The following BASP1 variants were observed in gnomAD, a reference collection of about 807,000 sequenced individuals.
BASP1 encodes the protein brain abundant membrane attached signal protein 1.
In BASP1, 1 loss-of-function variant was observed where a neutral mutation model predicts 2.2. The ratio of observed to expected loss-of-function variants is 0.46; its 90% CI spans 0.16 to 2.17. The LOEUF is 2.17. Ranked by LOEUF, BASP1 falls within the 30% of genes most tolerant of loss-of-function variation. BASP1 has a pLI of 0.27. For synonymous variants in BASP1, 187 were observed against 154.2 expected (o/e 1.21, Z -1.58); for missense variants, 352 against 327.2 (o/e 1.08, Z -0.58).
At chr5:17,274,499 A>C (rs1740587546) in intron 1 of BASP1, among the ~76,000 whole-genome samples, 1 of 152,242 alleles carries the variant, frequency 6.6e-6, no homozygotes, top group Non-Finnish European at 1.5e-5. Context: ...AAAGCATTTT[A>C]AAATTGCAAC....
intron 1 of BASP1, among the ~76,000 whole-genome samples, chr5:17,256,171 G>A (rs986904492): frequency 1.3e-5 from 2 of 152,200 alleles, no homozygotes; most frequent in African/African-American, 4.8e-5. Context: ...ACATTCCAAG[G>A]TGAATCCAGA....
intron 1 of BASP1, among the ~76,000 whole-genome samples, chr5:17,237,424 C>T (rs949853096): frequency 6.6e-6 from 1 of 152,128 alleles, no homozygotes; most frequent in Admixed American, 6.5e-5. Flanking sequence ...ACTGAGCTCA[C>T]CCAGAATGCT....
intron 1 of BASP1, among the ~76,000 whole-genome samples, chr5:17,240,133 GATAAATAAATAA>G (rs55977756): frequency 1.8e-4 from 27 of 146,070 alleles, no homozygotes; most frequent in African/African-American, 3.0e-4. Context: ...TAAAAATAAA[GATAAATAAATAA>G]ATAAATAAAT....
chr5:17,230,228 TAGAC>T (rs1739604533), intron 1 of BASP1, among the ~76,000 whole-genome samples: 1 of 152,172 alleles, frequency 6.6e-6, no homozygotes, highest in South Asian at 2.1e-4. Flanking sequence ...AGGGATTCAT[TAGAC>T]AGACTCTTAA....
At position 17,268,210 on chromosome 5, in the gene BASP1, C is replaced by T. The variant is rs528792907; in HGVS notation, c.-9-6998C>T. ...GGAGACCAACCCCTAGCACACCTAT[C>T]GTTTTTAGCAAACTTCATACTGAGT... is the stretch of plus-strand genomic sequence containing the variant. On this transcript the variant is annotated intron_variant, in intron 1 of 1. Transcript: ENST00000322611. 2.0e-5 allele frequency among the ~76,000 whole-genome samples: 3 copies of T among 152,266 alleles called. No homozygotes were observed. The South Asian group carries it at 6.2e-4, about 32-fold the overall frequency.
chr5:17,227,236 T>C (rs1739528659), intron 1 of BASP1, among the ~76,000 whole-genome samples: 1 of 147,544 alleles, frequency 6.8e-6, no homozygotes, highest in Non-Finnish European at 1.5e-5. Context: ...TCCTTTTTTC[T>C]TTTTAGACAG....
intron 1 of BASP1, among the ~76,000 whole-genome samples, chr5:17,259,985 A>G (rs1209669628): frequency 2.0e-5 from 3 of 152,234 alleles, no homozygotes; most frequent in Non-Finnish European, 4.4e-5. Flanking sequence ...TGGTACAGAA[A>G]TGATCTCTGC....
chr5:17,250,898 C>T (rs553761905), intron 1 of BASP1, among the ~76,000 whole-genome samples: 14 of 152,298 alleles, frequency 9.2e-5, no homozygotes, highest in Admixed American at 2.0e-4. Context: ...GCCACAGCGC[C>T]CGGCCAAAAT....
intron 1 of BASP1, among the ~76,000 whole-genome samples, chr5:17,274,247 T>C (rs1740583130): frequency 6.6e-6 from 1 of 152,190 alleles, no homozygotes; most frequent in Non-Finnish European, 1.5e-5. Context: ...AGAACTACTT[T>C]TTTTAAGCTG....
intron 1 of BASP1, among the ~76,000 whole-genome samples, chr5:17,266,840 T>A (rs866646176): frequency 2.8e-3 from 303 of 109,366 alleles, no homozygotes; most frequent in African/African-American, 9.3e-3. Context: ...AAAAAAAAAA[T>A]CTGACCTGGA....
chr5:17,247,038 A>C (rs1156667850), intron 1 of BASP1, among the ~76,000 whole-genome samples: 6 of 152,098 alleles, frequency 3.9e-5, no homozygotes, highest in Admixed American at 2.6e-4. Context: ...AATACAAAAA[A>C]TAGCTGGGCA....
At chr5:17,222,922 A>G (rs1410635470) in intron 1 of BASP1, among the ~76,000 whole-genome samples, 1 of 152,214 alleles carries the variant, frequency 6.6e-6, no homozygotes, top group Non-Finnish European at 1.5e-5. Context: ...GGCCCAGGGC[A>G]TAAGGAAACA....
chr5:17,266,083 T>TA (rs1405704273), intron 1 of BASP1, among the ~76,000 whole-genome samples: 1 of 152,208 alleles, frequency 6.6e-6, no homozygotes, highest in Non-Finnish European at 1.5e-5. Context: ...CAAGGGACAC[T>TA]AACCCGTTGG....
chr5:17,268,935 T>C (rs1740479513), intron 1 of BASP1, among the ~76,000 whole-genome samples: 1 of 152,258 alleles, frequency 6.6e-6, no homozygotes, highest in African/African-American at 2.4e-5. Flanking sequence ...TAAGAAATAC[T>C]TGTTAGCTCT....
Position 17,276,224 on chromosome 5 carries a change from C to T in BASP1, c.*324C>T, listed in dbSNP as rs865975024. On this transcript the variant is annotated 3_prime_UTR_variant, in exon 2 of 2. Transcript: ENST00000322611. ...ATCCGCGTCTGAAAGTGCAGTACATCGTTTGTACCTGAAACTGCCGCCACA... is the reference window on the plus strand; with the variant it reads ...ATCCGCGTCTGAAAGTGCAGTACATTGTTTGTACCTGAAACTGCCGCCACA... 20 of 216,912 alleles carry T rather than the reference C, an allele frequency of 9.2e-5. No individual in the cohort carries two copies. The highest frequency in any genetic ancestry group is 4.4e-4 in the African/African-American group (19 of 43,390). The allele number at this position is 216,912 out of a possible 1,614,324, so 13.4% of individuals were successfully genotyped here. A position where few individuals can be genotyped will look rare whatever the true frequency, so the allele number is the denominator to read the frequency against.
chr5:17,275,701 C>G lies in BASP1; in HGVS notation c.485C>G (p.Thr162Ser). The change falls in exon 2 of 2, where the codon ACC (threonine) becomes AGC (serine). Residue 162 changes from threonine (T) to serine (S), a missense_variant. By Grantham distance (58) the Thr-to-Ser change is moderately conservative (BLOSUM62 1). Transcript: ENST00000322611. The surrounding 1 kb of genome is among the most constrained non-coding windows in gnomAD (Gnocchi z 5.3). ...EAPAAPAAQE[T>S]KSDGAPASDS... ...CCCGCAGCTCCTGCCGCCCAGGAGA[C>G]CAAAAGTGACGGGGCCCCAGCTTCA... 1.2e-6 allele frequency: 2 copies of G among 1,602,570 alleles called. No individual in the cohort carries two copies. The highest frequency in any genetic ancestry group is 1.7e-6 in the Non-Finnish European group (2 of 1,175,010).
intron 1 of BASP1, among the ~76,000 whole-genome samples, chr5:17,256,992 C>T (rs768755176): frequency 2.0e-5 from 3 of 152,222 alleles, no homozygotes; most frequent in Non-Finnish European, 4.4e-5. Context: ...CACAACCTTT[C>T]TACCTAACCT....
chr5:17,228,328 G>A (rs1004721399), intron 1 of BASP1, among the ~76,000 whole-genome samples: 1 of 152,192 alleles, frequency 6.6e-6, no homozygotes, highest in African/African-American at 2.4e-5. Context: ...ACAATGCAGA[G>A]AGAGGTAACT....
chr5:17,275,503 C>A lies in BASP1; in HGVS notation c.287C>A (p.Ala96Asp). Residue 96 changes from alanine (A) to aspartate (D), a missense_variant, in exon 2 of 2, where the codon GCC becomes GAC. By Grantham distance (126) the Ala-to-Asp change is moderately radical. Coordinates refer to ENST00000322611, the MANE Select transcript of BASP1 (RefSeq NM_006317.5). This position sits in a 1 kb window ranked among gnomAD's most constrained non-coding sequence, Gnocchi z 5.3. Reference protein sequence around the residue: ...EPEKTEGAAEAKAEPPKAPEQ... With the variant: ...EPEKTEGAAEDKAEPPKAPEQ... ...GAGAAGACGGAGGGCGCGGCAGAGG[C>A]CAAGGCTGAGCCCCCGAAGGCGCCC... The A allele has an allele frequency of 7.5e-6, 11 of 1,462,088 alleles. No individual in the cohort carries two copies. The highest frequency in any genetic ancestry group is 9.9e-6 in the Non-Finnish European group (11 of 1,111,018). The allele number at this position is 1,462,088 out of a possible 1,614,324, so 90.6% of individuals were successfully genotyped here. A position where few individuals can be genotyped will look rare whatever the true frequency, so the allele number is the denominator to read the frequency against.
Sources: allele counts gnomAD v4.1 joint callset (sites outside exome capture counted in the v4.1 genomes callset), GRCh38; gene constraint gnomAD v4.1.1; non-coding constraint Gnocchi (gnomAD v3.1); transcripts MANE v1.5; gene names NCBI Gene and HGNC (gene_info 2026-07-23, HGNC 2026-07-21).